The following RNF115 variants were observed in gnomAD, a reference collection of about 807,000 sequenced individuals.
The protein encoded by RNF115 is ring finger protein 115, also known as E3 ubiquitin-protein ligase RNF115.
A neutral mutation model predicts 39.2 loss-of-function variants in RNF115; 31 were observed. That is an observed-to-expected ratio of 0.79 (90% CI 0.59 to 1.07). The LOEUF (loss-of-function observed/expected upper bound fraction) is 1.07. Among genes scored for constraint, RNF115 ranks in the 50% least tolerant of loss-of-function variants. The probability of loss-of-function intolerance (pLI) is 0.00; values close to 1 mark genes in which losing one functional copy is unlikely to be tolerated. For missense variants in RNF115, 384 were observed against 381.7 expected (o/e 1.01, Z -0.05); for synonymous variants, 124 against 131.0 (o/e 0.95, Z 0.37).
At chr1:145,749,999 T>C (rs1553712236) in intron 7 of RNF115, among the ~76,000 whole-genome samples, 1 of 152,190 alleles carries the variant, frequency 6.6e-6, no homozygotes, top group African/African-American at 2.4e-5. Flanking sequence ...TGAAACAAAC[T>C]CCCAGCCTAT....
chr1:145,816,859 T>A (rs1650016916), intron 1 of RNF115, among the ~76,000 whole-genome samples: 1 of 99,660 alleles, frequency 1.0e-5, no homozygotes, highest in Non-Finnish European at 2.3e-5. Context: ...ACCTCAAATA[T>A]CCTGGGCTCA....
At chr1:145,764,550 G>C (rs1317995596) in intron 4 of RNF115, among the ~76,000 whole-genome samples, 1 of 150,606 alleles carries the variant, frequency 6.6e-6, no homozygotes. Flanking sequence ...GAAGTGAGGA[G>C]CCCCTCCGCC....
chr1:145,758,601 T>A (rs868941858), intron 4 of RNF115, among the ~76,000 whole-genome samples: 5 of 152,214 alleles, frequency 3.3e-5, no homozygotes, highest in Admixed American at 1.3e-4. Flanking sequence ...AAGGGCAAAT[T>A]ATCTTATGCT....
intron 1 of RNF115, among the ~76,000 whole-genome samples, chr1:145,814,917 G>GA (rs1236319412): frequency 2.7e-5 from 4 of 147,052 alleles, no homozygotes; most frequent in Non-Finnish European, 6.0e-5. Context: ...TCAAAACACT[G>GA]AAGTCATCAC....
chr1:145,788,129 T>C (rs1648478535), intron 2 of RNF115, among the ~76,000 whole-genome samples: 1 of 152,144 alleles, frequency 6.6e-6, no homozygotes, highest in Non-Finnish European at 1.5e-5. Context: ...AGTTTCACTC[T>C]TGTTGCCCAG....
chr1:145,811,905 AAAAAT>A (rs1649735085), intron 1 of RNF115, among the ~76,000 whole-genome samples: 2 of 94,566 alleles, frequency 2.1e-5, no homozygotes, highest in African/African-American at 4.2e-5. Flanking sequence ...AAAAAAAAAA[AAAAAT>A]ATATATATAT....
At chr1:145,786,428 G>T (rs12132715) in intron 2 of RNF115, among the ~76,000 whole-genome samples, 129,272 of 152,246 alleles carry the variant, frequency 0.85, 55,280 homozygotes, top group African/African-American at 0.95. Flanking sequence ...AAAAGATTTC[G>T]TCTTTCATTT....
chr1:145,804,915 A>G (rs1649401436), intron 1 of RNF115, among the ~76,000 whole-genome samples: 1 of 152,178 alleles, frequency 6.6e-6, no homozygotes, highest in Non-Finnish European at 1.5e-5. Context: ...CCTGGCACAC[A>G]GTTTGAGAAA....
intron 1 of RNF115, among the ~76,000 whole-genome samples, chr1:145,794,502 C>CTTTTTTTTT (rs57242475): frequency 3.5e-4 from 28 of 81,116 alleles, no homozygotes; most frequent in Middle Eastern, 0.011. Flanking sequence ...TAATCTCTTT[C>CTTTTTTTTT]TTTTTTTTTT....
intron 4 of RNF115, among the ~76,000 whole-genome samples, chr1:145,758,897 T>TA (rs1168247699): frequency 5.3e-5 from 8 of 151,894 alleles, no homozygotes; most frequent in South Asian, 4.2e-4. Flanking sequence ...TTTTGTTTAT[T>TA]AAAAAAAAAT....
rs1394384470 is a variant in RNF115, at chr1:145,739,481, T to C, written c.*7385A>G. 4 of 152,210 alleles carry C rather than the reference T, an allele frequency of 2.6e-5. No homozygotes were observed. The highest frequency in any genetic ancestry group is 2.4e-5 in the African/African-American group (1 of 41,450). 9.4% of individuals were successfully genotyped at this position (152,210 alleles called of 1,614,324 possible). ...ACCTCAAACTAAGGATTTTAGACTG[T>C]ATCCCATGGAGATAAAAGGACTAGC... On this transcript the variant is annotated 3_prime_UTR_variant, in exon 9 of 9. Coordinates refer to ENST00000582693, the MANE Select transcript of RNF115 (RefSeq NM_014455.4).
intron 6 of RNF115, among the ~76,000 whole-genome samples, chr1:145,751,034 G>A (rs1658068338): frequency 6.6e-6 from 1 of 152,132 alleles, no homozygotes; most frequent in African/African-American, 2.4e-5. Context: ...ACATGGCATG[G>A]GAATACTTTT....
intron 5 of RNF115, 22 bp downstream of exon 5, chr1:145,752,956 T>C (rs375674419): frequency 1.5e-5 from 22 of 1,515,572 alleles, no homozygotes; most frequent in South Asian, 5.6e-5. Context: ...TAGAGTAAGA[T>C]AGAAAACAAT....
intron 2 of RNF115, chr1:145,786,927 C>T: frequency 1.9e-6 from 1 of 514,852 alleles, no homozygotes; most frequent in Non-Finnish European, 3.4e-6. Flanking sequence ...AAAATAGATC[C>T]CATGCCACAT....
intron 1 of RNF115, among the ~76,000 whole-genome samples, chr1:145,796,623 G>C (rs1306429118): frequency 6.6e-6 from 1 of 152,040 alleles, no homozygotes; most frequent in Non-Finnish European, 1.5e-5. Context: ...CTAAGCTCAA[G>C]CAATCTGCCT....
intron 1 of RNF115, among the ~76,000 whole-genome samples, chr1:145,801,763 C>T (rs1208617945): frequency 6.6e-6 from 1 of 151,946 alleles, no homozygotes; most frequent in African/African-American, 2.4e-5. Context: ...TTCAGTAACT[C>T]ATTTCTAATT....
intron 4 of RNF115, among the ~76,000 whole-genome samples, chr1:145,756,335 C>T (rs1658291824): frequency 6.6e-6 from 1 of 152,044 alleles, no homozygotes; most frequent in South Asian, 2.1e-4. Flanking sequence ...TGGCACACAC[C>T]TGTAATGCCA....
chr1:145,820,301 C>G (rs1475804240), intron 1 of RNF115, among the ~76,000 whole-genome samples: 2 of 151,024 alleles, frequency 1.3e-5, no homozygotes, highest in Non-Finnish European at 3.0e-5. Context: ...CCCATCTCTA[C>G]AAAAAAGAAA....
At position 145,746,595 on chromosome 1, in the gene RNF115, C is replaced by G. The variant is rs587734184; in HGVS notation, c.*271G>C. Reference sequence around the variant, plus strand: ...CTAACTAGACTTTAAGGAATTAATTCTATTCAGACGGGGGGAGCCCTACAT... The same window carrying G: ...CTAACTAGACTTTAAGGAATTAATTGTATTCAGACGGGGGGAGCCCTACAT... On this transcript the variant is annotated 3_prime_UTR_variant, in exon 9 of 9. Transcript: ENST00000582693. 7 of 339,114 alleles carry G rather than the reference C, an allele frequency of 2.1e-5. No homozygotes were observed. The highest frequency in any genetic ancestry group is 1.3e-4 in the African/African-American group (6 of 47,430). The allele number at this position is 339,114 out of a possible 1,614,324, so 21.0% of individuals were successfully genotyped here.
Sources: allele counts gnomAD v4.1 joint callset (sites outside exome capture counted in the v4.1 genomes callset), GRCh38; gene constraint gnomAD v4.1.1; transcripts MANE v1.5; gene names NCBI Gene and HGNC (gene_info 2026-07-23, HGNC 2026-07-21).